The following SECISBP2L variants were observed in gnomAD, a reference collection of about 807,000 sequenced individuals.
The protein encoded by SECISBP2L is selenocysteine insertion sequence-binding protein 2-like.
In SECISBP2L, 43 loss-of-function variants were observed where a neutral mutation model predicts 114.7. That is an observed-to-expected ratio of 0.38 (90% confidence interval 0.29 to 0.48). The LOEUF (loss-of-function observed/expected upper bound fraction) is 0.48, where lower values mean the gene tolerates loss of function less well. Among genes scored for constraint, SECISBP2L ranks in the 20% least tolerant of loss-of-function variants. SECISBP2L has a pLI of 0.98. For missense variants in SECISBP2L, 1,136 were observed against 1,301.1 expected, an observed-to-expected ratio of 0.87 and a Z score of 1.95; for synonymous variants, 451 against 439.7, an observed-to-expected ratio of 1.03 and a Z score of -0.32.
chr15:48,994,081 G>A (rs1004403331), intron 17 of SECISBP2L, among the ~76,000 whole-genome samples: 6 of 151,148 alleles, frequency 4.0e-5, no homozygotes, highest in African/African-American at 1.5e-4. Flanking sequence ...AGTGTAGAAT[G>A]AGTCCTTTCC....
chr15:49,016,915 G>C lies in SECISBP2L; in HGVS notation c.1352C>G (p.Ala451Gly). 1 of 1,613,980 alleles carries C rather than the reference G, an allele frequency of 6.2e-7. No individual in the cohort carries two copies. The highest frequency in any genetic ancestry group is 8.5e-7 in the Non-Finnish European group (1 of 1,179,944). ...PKRAKSQKKK[A>G]LAAALATAQE... ...AGCTGTGGCAAGGGCTGCTGCTAAA[G>C]CTTTCTTCTTCTGACTTTTTGCACG... is the stretch of plus-strand genomic sequence containing the variant. Residue 451 changes from alanine to glycine, a missense_variant, in exon 10 of 18, where the codon GCT (alanine) becomes GGT (glycine). Ala to Gly is a moderately conservative substitution (Grantham distance 60). This residue lies in a region of SECISBP2L where 684 missense variants were observed against 848.7 expected (regional missense o/e 0.81). Transcript: ENST00000559471.
chr15:49,008,752 TC>T (rs1566854953), intron 14 of SECISBP2L, among the ~76,000 whole-genome samples: 1 of 152,174 alleles, frequency 6.6e-6, no homozygotes, highest in East Asian at 1.9e-4. Context: ...TATTCTGTGA[TC>T]CCCCCAGTTA....
intron 1 of SECISBP2L, among the ~76,000 whole-genome samples, chr15:49,045,003 C>T (rs902262933): frequency 1.3e-5 from 2 of 152,076 alleles, no homozygotes; most frequent in Non-Finnish European, 2.9e-5. Flanking sequence ...ATGATAGATA[C>T]CTTCAAAAAT....
intron 3 of SECISBP2L, among the ~76,000 whole-genome samples, chr15:49,034,087 G>T (rs978967248): frequency 2.0e-5 from 3 of 151,646 alleles, no homozygotes; most frequent in Non-Finnish European, 1.5e-5. Flanking sequence ...TCTTGACCAA[G>T]AAAGTTTCCA....
intron 1 of SECISBP2L, among the ~76,000 whole-genome samples, chr15:49,045,666 A>G (rs1397597482): frequency 6.6e-6 from 1 of 152,188 alleles, no homozygotes; most frequent in Non-Finnish European, 1.5e-5. Flanking sequence ...TATGCTTTAC[A>G]CCCTTAAAAT....
intron 14 of SECISBP2L, among the ~76,000 whole-genome samples, chr15:49,001,346 A>G (rs1902203882): frequency 1.3e-5 from 2 of 152,202 alleles, no homozygotes; most frequent in African/African-American, 4.8e-5. Context: ...GCTTGCTTTT[A>G]TTATGATACT....
At chr15:49,012,617 A>G in intron 12 of SECISBP2L, 31 bp downstream of exon 12, 1 of 1,602,758 alleles carries the variant, frequency 6.2e-7, no homozygotes. Context: ...TTCATCCTAT[A>G]AAATAAATAT....
chr15:49,016,433 CATAT>C (rs1259806001), intron 11 of SECISBP2L, 123 bp downstream of exon 11: 5 of 760,614 alleles, frequency 6.6e-6, no homozygotes, highest in African/African-American at 3.6e-5. Flanking sequence ...AACACACATA[CATAT>C]ATATACACAC....
rs766499873 is a variant in SECISBP2L, at chr15:49,009,204, T to C, written c.2027+12A>G. On this transcript the variant is annotated intron_variant, in intron 14 of 17. Coordinates refer to ENST00000559471, the MANE Select transcript of SECISBP2L (RefSeq NM_001193489.2). ...TAAACTATTCAACCTCAATAATGAGTATAAAACTTACTCTCTAAATCTTTT... is the reference window on the plus strand; with the variant it reads ...TAAACTATTCAACCTCAATAATGAGCATAAAACTTACTCTCTAAATCTTTT... The C allele has an allele frequency of 3.7e-6, 6 of 1,612,990 alleles. No individual in the cohort carries two copies. The highest frequency in any genetic ancestry group is 5.1e-6 in the Non-Finnish European group (6 of 1,179,288).
chr15:49,027,513 C>A, intron 6 of SECISBP2L, 33 bp from the exon 7 acceptor site: 2 of 1,379,370 alleles, frequency 1.4e-6, no homozygotes, highest in Non-Finnish European at 2.0e-6. Flanking sequence ...TTATAATTTA[C>A]TTATAAAAGG....
Position 49,046,439 on chromosome 15 carries a change from A to C in SECISBP2L, c.-140T>G, listed in dbSNP as rs1043357910. On this transcript the variant is annotated 5_prime_UTR_variant, in exon 1 of 18. Coordinates refer to ENST00000559471, the MANE Select transcript of SECISBP2L (RefSeq NM_001193489.2). ...GGCTGGCCGCGACACCGATTCGGCTACGCCACTGGCCGAGGAGGCGGCTCC... is the reference window on the plus strand; with the variant it reads ...GGCTGGCCGCGACACCGATTCGGCTCCGCCACTGGCCGAGGAGGCGGCTCC... The C allele has an allele frequency of 3.1e-5, 29 of 940,032 alleles. No homozygotes were observed. The highest frequency in any genetic ancestry group is 6.5e-5 in the South Asian group (3 of 46,154). The allele number at this position is 940,032 out of a possible 1,614,324, so 58.2% of individuals were successfully genotyped here. A position where few individuals can be genotyped will look rare whatever the true frequency, so the allele number is the denominator to read the frequency against.
Position 48,992,922 on chromosome 15 carries a change from T to C in SECISBP2L, c.2628A>G (p.Thr876=). The change falls in exon 18 of 18, where the codon ACA becomes ACG. Residue 876 remains threonine, a synonymous_variant. Transcript: ENST00000559471. ...ISEVNEKEYE[T]NWRNMVETSD... Reference sequence around the variant, plus strand: ...AAGTTTCCACCATGTTTCTCCAATTTGTTTCTACAAGTATCAAGCAGATTT... The same window carrying C: ...AAGTTTCCACCATGTTTCTCCAATTCGTTTCTACAAGTATCAAGCAGATTT... 1 of 1,610,596 alleles carries C rather than the reference T, an allele frequency of 6.2e-7. No individual in the cohort carries two copies.
rs1455751317 is a variant in SECISBP2L at position 49,032,974 on chromosome 15, G to C, written c.655C>G (p.Gln219Glu). The change falls in exon 4 of 18, where the codon CAG becomes GAG. Residue 219 changes from glutamine (Q) to glutamate (E), a missense_variant. This residue lies in a region of SECISBP2L where 452 missense variants were observed against 452.3 expected (regional missense o/e 1.00). Transcript: ENST00000559471. ...SKIVLLVDAS[Q>E]QTDFPSDIAN... The stretch of plus-strand genomic sequence containing the variant: ...AGAACCCTTGCCTTACCAGTTTGCT[G>C]TGAAGCATCTACCAGAAGCACAATT... 1.9e-6 allele frequency: 3 copies of C among 1,613,786 alleles called. No individual in the cohort carries two copies. The highest frequency in any genetic ancestry group is 2.5e-6 in the Non-Finnish European group (3 of 1,179,894).
intron 13 of SECISBP2L, 60 bp from the exon 14 acceptor site, chr15:49,009,438 C>T (rs529209615): frequency 1.4e-5 from 21 of 1,524,728 alleles, no homozygotes; most frequent in South Asian, 8.6e-5. Context: ...AAAAGTTCTA[C>T]GTTGATCAAT....
At chr15:49,037,191 T>G (rs532673888) in intron 2 of SECISBP2L, among the ~76,000 whole-genome samples, 1 of 137,510 alleles carries the variant, frequency 7.3e-6, no homozygotes, top group East Asian at 2.2e-4. Context: ...CCATGACAGC[T>G]TCAAAGTTAA....
intron 1 of SECISBP2L, among the ~76,000 whole-genome samples, chr15:49,046,059 C>T: frequency 6.6e-6 from 1 of 152,210 alleles, no homozygotes; most frequent in East Asian, 1.9e-4. Context: ...AACGGCGAGC[C>T]CTCCGCCTGG....
In SECISBP2L at chr15:49,011,837, C is replaced by A. The variant is rs780833669; in HGVS notation, c.1758G>T (p.Lys586Asn). 11 of 1,614,060 alleles carry A rather than the reference C, an allele frequency of 6.8e-6. No individual in the cohort carries two copies. The highest frequency in any genetic ancestry group is 8.5e-6 in the Non-Finnish European group (10 of 1,179,956). Residue 586 changes from lysine to asparagine, a missense_variant, in exon 13 of 18, where the codon AAG becomes AAT. Physicochemically the swap from Lys to Asn is moderately conservative, Grantham distance 94. Coordinates refer to ENST00000559471, the MANE Select transcript of SECISBP2L (RefSeq NM_001193489.2). The stretch of plus-strand genomic sequence containing the variant: ...TGTGGTCCACAGTTAAGCGCCCCTT[C>A]TTTTCCTCTCTTTCTTTTAAAATAA... Reference protein sequence around the residue: ...KKVILKEREEKKGRLTVDHNL... With the variant: ...KKVILKEREENKGRLTVDHNL...
At chr15:49,036,924 A>T (rs1040968835) in intron 2 of SECISBP2L, among the ~76,000 whole-genome samples, 2 of 152,128 alleles carry the variant, frequency 1.3e-5, no homozygotes, top group African/African-American at 4.8e-5. Context: ...GAAAAACGAA[A>T]TTTTCTGTGT....
In SECISBP2L at chr15:48,999,905, T is replaced by C. The variant is rs908933969; in HGVS notation, c.2331A>G (p.Lys777=). ...EIPFVFALGR[K]ALGRCVNKLV... is the part of the protein sequence containing the mutation. ...GCTTGTTCACACAGCGTCCTAGAGC[T>C]TTCCTTCCAAGGGCAAACACAAAAG... The change falls in exon 16 of 18, where the codon AAA becomes AAG. Residue 777 remains lysine (K), a synonymous_variant. Transcript: ENST00000559471. The C allele has an allele frequency of 5.6e-6, 9 of 1,613,898 alleles. No individual in the cohort carries two copies. The African/African-American group carries it at 9.3e-5, about 17-fold the overall frequency.
Sources: gnomAD v4.1 joint callset for allele counts (sites outside exome capture counted in the v4.1 genomes callset) on GRCh38, gnomAD v4.1.1 for gene constraint, gnomAD v4.1.1 regional missense constraint, MANE v1.5 for transcripts, NCBI Gene and HGNC (gene_info 2026-07-23, HGNC 2026-07-21) for gene names.